ZNF721: variants seen among roughly 807,000 people sequenced by gnomAD.
ZNF721 encodes zinc finger protein 721.
Under a neutral mutation model 2.4 loss-of-function variants are expected in ZNF721, and 2 were observed. The observed-to-expected ratio is 0.82, with a 90% CI of 0.34 to 2.58. ZNF721 has a LOEUF of 2.58. ZNF721 is among the 30% of genes most tolerant of loss of function. The pLI is 0.11. For missense variants in ZNF721, 1,187 were observed against 1,085.5 expected, an observed-to-expected ratio of 1.09 and a Z score of -1.31; for synonymous variants, 398 against 381.8, an observed-to-expected ratio of 1.04 and a Z score of -0.50.
intron 1 of ZNF721, among the ~76,000 whole-genome samples, chr4:475,377 G>C (rs1271033416): frequency 6.6e-6 from 1 of 151,974 alleles, no homozygotes; most frequent in East Asian, 1.9e-4. Context: ...ACAGGGAAGT[G>C]TTTGCTATGC....
intron 2 of ZNF721, among the ~76,000 whole-genome samples, chr4:467,140 C>T (rs1451586892): frequency 3.9e-5 from 6 of 152,154 alleles, no homozygotes; most frequent in South Asian, 2.1e-4. Flanking sequence ...TGGTGTGAAA[C>T]CAGGAGGTGG....
chr4:460,178 G>C (rs186353209), intron 2 of ZNF721, among the ~76,000 whole-genome samples: 24 of 152,196 alleles, frequency 1.6e-4, no homozygotes, highest in Admixed American at 4.6e-4. Context: ...ATCTAAAGTT[G>C]ACCACATAAC....
At chr4:444,810 G>C (rs944974892) in intron 2 of ZNF721, among the ~76,000 whole-genome samples, 55 of 152,038 alleles carry the variant, frequency 3.6e-4, no homozygotes, top group Non-Finnish European at 6.9e-4. Flanking sequence ...CCTTATTTCT[G>C]GCTTTTGGGG....
chr4:484,904 C>A (rs1365402069), intron 1 of ZNF721, among the ~76,000 whole-genome samples: 5 of 152,200 alleles, frequency 3.3e-5, no homozygotes, highest in African/African-American at 4.8e-5. Flanking sequence ...TTTTGAAAAT[C>A]TCGAATAAAA....
At chr4:455,613 G>A (rs1026691099) in intron 2 of ZNF721, among the ~76,000 whole-genome samples, 1 of 150,574 alleles carries the variant, frequency 6.6e-6, no homozygotes, top group African/African-American at 2.4e-5. Context: ...AACATTATGT[G>A]AAGACAGTAA....
At chr4:498,633 CAA>C (rs1166047405) in intron 1 of ZNF721, among the ~76,000 whole-genome samples, 2 of 151,856 alleles carry the variant, frequency 1.3e-5, no homozygotes, top group African/African-American at 4.8e-5. Context: ...CACAGAAAGA[CAA>C]ATACCTCATG....
intron 2 of ZNF721, among the ~76,000 whole-genome samples, chr4:457,251 T>A (rs533271349): frequency 4.6e-5 from 7 of 152,306 alleles, no homozygotes; most frequent in African/African-American, 1.4e-4. Context: ...CACAGTAAGA[T>A]GGCAGGAGGT....
chr4:470,367 G>A (rs1715393821), intron 2 of ZNF721, among the ~76,000 whole-genome samples: 1 of 152,164 alleles, frequency 6.6e-6, no homozygotes, highest in South Asian at 2.1e-4. Flanking sequence ...AAGTGGGATT[G>A]TATCAAAGTA....
At chr4:488,503 G>A (rs1192743414) in intron 1 of ZNF721, among the ~76,000 whole-genome samples, 1 of 152,128 alleles carries the variant, frequency 6.6e-6, no homozygotes, top group Non-Finnish European at 1.5e-5. Flanking sequence ...CTCTTCCTGT[G>A]GACCCATCAT....
At chr4:477,779 G>A (rs1171854680) in intron 1 of ZNF721, among the ~76,000 whole-genome samples, 2 of 152,108 alleles carry the variant, frequency 1.3e-5, no homozygotes, top group African/African-American at 2.4e-5. Context: ...AGAACACCCT[G>A]ATACACCCCT....
At chr4:477,270 T>A (rs1715649473) in intron 1 of ZNF721, among the ~76,000 whole-genome samples, 1 of 146,624 alleles carries the variant, frequency 6.8e-6, no homozygotes, top group Admixed American at 6.8e-5. Context: ...TTTTTTTTTT[T>A]TTTTTTTGGA....
At chr4:486,087 T>C (rs377587738) in intron 1 of ZNF721, among the ~76,000 whole-genome samples, 11 of 152,214 alleles carry the variant, frequency 7.2e-5, no homozygotes, top group Admixed American at 2.0e-4. Flanking sequence ...GCTATTCTAA[T>C]ATGCATCCAA....
At position 472,677 on chromosome 4, in the gene ZNF721, C is replaced by A. The variant is rs1553867935; in HGVS notation, c.-69G>T. Reference sequence around the variant, plus strand: ...CACTCTTCTGGAGAGAATTCTATGGCCACATCCCTGAATGTTAAGGGTTCC... The same window carrying A: ...CACTCTTCTGGAGAGAATTCTATGGACACATCCCTGAATGTTAAGGGTTCC... On this transcript the variant is annotated 5_prime_UTR_variant, in exon 2 of 3. Coordinates refer to ENST00000511833, the MANE Select transcript of ZNF721 (RefSeq NM_133474.4). 3.1e-6 allele frequency: 5 copies of A among 1,613,274 alleles called. 1 individual carries two copies. The South Asian group carries it at 4.4e-5, about 14-fold the overall frequency.
intron 2 of ZNF721, among the ~76,000 whole-genome samples, chr4:464,836 T>A (rs1223303599): frequency 6.6e-6 from 1 of 151,830 alleles, no homozygotes; most frequent in African/African-American, 2.4e-5. Flanking sequence ...TCCCAGCACT[T>A]TGGGAGGCCG....
intron 2 of ZNF721, among the ~76,000 whole-genome samples, chr4:453,163 A>G (rs1247774777): frequency 1.3e-5 from 2 of 152,256 alleles, no homozygotes; most frequent in East Asian, 1.9e-4. Context: ...GTTAGAAAAC[A>G]TAAGCATTTC....
intron 1 of ZNF721, 88 bp downstream of exon 1, chr4:498,964 TCCGC>T (rs1435345500): frequency 8.3e-6 from 2 of 239,916 alleles, no homozygotes; most frequent in African/African-American, 4.7e-5. Context: ...GACCTCGTGA[TCCGC>T]CCGCCTCGGC....
At chr4:457,138 T>A (rs1714872779) in intron 2 of ZNF721, among the ~76,000 whole-genome samples, 1 of 152,352 alleles carries the variant, frequency 6.6e-6, no homozygotes. Flanking sequence ...AGCATTTCAA[T>A]ACAATTATTT....
chr4:482,492 TTGTTTC>T (rs1441785736), intron 1 of ZNF721, among the ~76,000 whole-genome samples: 3 of 144,040 alleles, frequency 2.1e-5, no homozygotes, highest in Non-Finnish European at 3.0e-5. Context: ...ATTCATCAAG[TTGTTTC>T]TGTTTTTGTT....
chr4:490,812 G>T (rs897806623), intron 1 of ZNF721, among the ~76,000 whole-genome samples: 14 of 152,178 alleles, frequency 9.2e-5, no homozygotes, highest in African/African-American at 3.4e-4. Flanking sequence ...GTGCAGGCTG[G>T]GCGCGGTGGC....
Sources: gnomAD v4.1 joint callset for allele counts (sites outside exome capture counted in the v4.1 genomes callset) on GRCh38, gnomAD v4.1.1 for gene constraint, MANE v1.5 for transcripts, NCBI Gene and HGNC (gene_info 2026-07-23, HGNC 2026-07-21) for gene names.